The following CCL5 variants were observed in gnomAD, a reference collection of about 807,000 sequenced individuals.
The protein encoded by CCL5 is C-C motif chemokine 5.
A neutral mutation model predicts 9.0 loss-of-function variants in CCL5; 5 were observed. That is an observed-to-expected ratio of 0.55 (90% confidence interval 0.29 to 1.16). The LOEUF is 1.16. Among genes scored for constraint, CCL5 ranks in the 50% most tolerant of loss-of-function variants. The pLI, the probability that CCL5 is intolerant of heterozygous loss-of-function variation, is 0.08. For missense variants in CCL5, 183 were observed against 183.2 expected (o/e 1.00, Z 0.01); for synonymous variants, 66 against 72.0 (o/e 0.92, Z 0.42).
chr17:35,879,156 A>G (rs2088480892), intron 1 of CCL5, among the ~76,000 whole-genome samples: 1 of 152,228 alleles, frequency 6.6e-6, no homozygotes, highest in Admixed American at 6.5e-5. Flanking sequence ...GTTGGGAAGC[A>G]TCAGTTGCCA....
Position 35,880,321 on chromosome 17 carries a change from G to A in CCL5, c.-16C>T, listed in dbSNP as rs372088244. 5 of 1,602,794 alleles carry A rather than the reference G, an allele frequency of 3.1e-6. No individual in the cohort carries two copies. The highest frequency in any genetic ancestry group is 4.3e-6 in the Non-Finnish European group (5 of 1,173,398). On this transcript the variant is annotated 5_prime_UTR_variant, in exon 1 of 4. Transcript: ENST00000651122. ...AGACCTTCATGGTACCTGTGGGAGA[G>A]GCTGTGCGAGGTCCACGTGCTGTCT...
intron 1 of CCL5, among the ~76,000 whole-genome samples, 183 bp from the exon 2 acceptor site, chr17:35,878,822 C>A (rs1391755779): frequency 6.6e-6 from 1 of 152,188 alleles, no homozygotes; most frequent in Non-Finnish European, 1.5e-5. Context: ...GATTCCAATG[C>A]CTCATCTAAT....
At chr17:35,878,417 A>AGGAGCTGT in intron 2 of CCL5, 111 bp downstream of exon 2, 1 of 694,316 alleles carries the variant, frequency 1.4e-6, no homozygotes, top group Non-Finnish European at 2.6e-6. Context: ...CTAGAGATGG[A>AGGAGCTGT]GGAGCTGTGG....
intron 3 of CCL5, among the ~76,000 whole-genome samples, chr17:35,874,835 A>ACTC (rs1230721055): frequency 6.6e-6 from 1 of 151,164 alleles, no homozygotes; most frequent in African/African-American, 2.4e-5. Context: ...CTGTTCTTGA[A>ACTC]CTCCTGACCT....
intron 1 of CCL5, 96 bp downstream of exon 1, chr17:35,880,134 A>C (rs1568354401): frequency 1.4e-5 from 13 of 921,376 alleles, no homozygotes; most frequent in Non-Finnish European, 2.1e-5. Flanking sequence ...GCTACAGTTG[A>C]AAAGAGGGCA....
At position 35,872,353 on chromosome 17, in the gene CCL5, G is replaced by C. The variant is rs1317273339; in HGVS notation, c.382C>G (p.Leu128Val). The C allele has an allele frequency of 6.2e-7, 1 of 1,612,402 alleles. No individual in the cohort carries two copies. The highest frequency in any genetic ancestry group is 1.7e-5 in the Admixed American group (1 of 59,930). The change falls in exon 4 of 4, where the codon CTT (leucine) becomes GTT (valine). Residue 128 changes from leucine to valine, a missense_variant. By Grantham distance (32) the Leu-to-Val change is conservative. Coordinates refer to ENST00000651122, the MANE Select transcript of CCL5 (RefSeq NM_001278736.2). ...AGCAGAAACAGGCAAATTTGTGTAAGTTCAGGTTCAAGGACTCTCCATCCT... is the reference window on the plus strand; with the variant it reads ...AGCAGAAACAGGCAAATTTGTGTAACTTCAGGTTCAAGGACTCTCCATCCT...
intron 1 of CCL5, 87 bp downstream of exon 1, chr17:35,880,143 C>A (rs2088496916): frequency 2.0e-6 from 2 of 991,192 alleles, no homozygotes; most frequent in Non-Finnish European, 3.2e-6. Context: ...GAAAAGAGGG[C>A]AAGGTGTGGG....
intron 3 of CCL5, among the ~76,000 whole-genome samples, chr17:35,872,781 C>T (rs2088388603): frequency 6.6e-6 from 1 of 152,222 alleles, no homozygotes; most frequent in Non-Finnish European, 1.5e-5. Flanking sequence ...AGACTTTTCT[C>T]AGCACTTCCT....
intron 2 of CCL5, among the ~76,000 whole-genome samples, chr17:35,877,497 A>G (rs954360832): frequency 2.0e-5 from 3 of 152,252 alleles, no homozygotes; most frequent in Middle Eastern, 3.2e-3. Flanking sequence ...TGACTTTGCT[A>G]TAGTAGAAAG....
intron 3 of CCL5, among the ~76,000 whole-genome samples, chr17:35,873,913 C>T (rs564956694): frequency 6.6e-6 from 1 of 152,228 alleles, no homozygotes; most frequent in South Asian, 2.1e-4. Context: ...ACCAAGTAAC[C>T]AGCCAGAATG....
rs752867204 is a variant in CCL5 at position 35,878,547 on chromosome 17, A to C, written c.169T>G (p.Cys57Gly). 1.2e-6 allele frequency: 2 copies of C among 1,613,758 alleles called. No individual in the cohort carries two copies. Among genetic ancestry groups the C allele is most frequent in the Non-Finnish European group, 1.7e-6 (2 of 1,179,762 alleles). The change falls in exon 2 of 4, where the codon TGC becomes GGC. Residue 57 changes from cysteine (C) to glycine (G), a missense_variant. By Grantham distance (159) the Cys-to-Gly change is radical (BLOSUM62 -3). Transcript: ENST00000651122. ...ACTCACACGACTGCTGGGTTGGAGC[A>C]CTTGCCACTGGTGTAGAAATACTCC...
At chr17:35,879,869 A>C (rs930924378) in intron 1 of CCL5, among the ~76,000 whole-genome samples, 2 of 152,164 alleles carry the variant, frequency 1.3e-5, no homozygotes, top group African/African-American at 4.8e-5. Context: ...TAAATTTCTT[A>C]GAAACCCTGC....
At chr17:35,878,760 A>C in intron 1 of CCL5, 121 bp from the exon 2 acceptor site, 1 of 636,786 alleles carries the variant, frequency 1.6e-6, no homozygotes, top group Non-Finnish European at 2.8e-6. Context: ...ACAGAAACTG[A>C]GGCTCAGAGA....
chr17:35,878,854 A>G (rs2144034144), intron 1 of CCL5, among the ~76,000 whole-genome samples: 1 of 152,290 alleles, frequency 6.6e-6, no homozygotes, highest in Non-Finnish European at 1.5e-5. Flanking sequence ...GCTTGTATCC[A>G]TCCCTCTACA....
At chr17:35,878,762 G>C in intron 1 of CCL5, 123 bp from the exon 2 acceptor site, 3 of 636,816 alleles carry the variant, frequency 4.7e-6, no homozygotes, top group Non-Finnish European at 8.3e-6. Context: ...AGAAACTGAG[G>C]CTCAGAGAGG....
intron 3 of CCL5, among the ~76,000 whole-genome samples, chr17:35,873,035 G>T (rs1355871631): frequency 6.6e-6 from 1 of 151,700 alleles, no homozygotes; most frequent in Admixed American, 6.6e-5. Flanking sequence ...GACTACTGGC[G>T]CCCGCCACCA....
chr17:35,874,738 G>T (rs1205731548), intron 3 of CCL5, among the ~76,000 whole-genome samples: 2 of 152,124 alleles, frequency 1.3e-5, no homozygotes, highest in South Asian at 4.2e-4. Flanking sequence ...AGCCTCCTGA[G>T]TAGCTGGGAT....
At chr17:35,878,282 CAAAAAAAAAAAAAA>C (rs4013866) in intron 2 of CCL5, among the ~76,000 whole-genome samples, 2 of 31,974 alleles carry the variant, frequency 6.3e-5, no homozygotes, top group African/African-American at 2.1e-4. Context: ...GACTCTGTCT[CAAAAAAAAAAAAAA>C]AAAAAAAAAA....
At position 35,872,083 on chromosome 17, in the gene CCL5, G is replaced by A. The variant is rs1465141768; in HGVS notation, c.*187C>T. 4.0e-5 allele frequency: 8 copies of A among 200,858 alleles called. 1 individual carries two copies. Among genetic ancestry groups the A allele is most frequent in the Non-Finnish European group, 3.0e-5 (3 of 98,516 alleles). The allele number at this position is 200,858 out of a possible 1,614,324, so 12.4% of individuals were successfully genotyped here. A position where few individuals can be genotyped will look rare whatever the true frequency, so the allele number is the denominator to read the frequency against. ...ACTACAGGCGCCCGCTACCACGCCC[G>A]GCTAATTTTTTGTATTTTTAGTAGA... On this transcript the variant is annotated 3_prime_UTR_variant, in exon 4 of 4. Transcript: ENST00000651122.
Sources: gnomAD v4.1 joint callset for allele counts (sites outside exome capture counted in the v4.1 genomes callset) on GRCh38, gnomAD v4.1.1 for gene constraint, MANE v1.5 for transcripts, NCBI Gene and HGNC (gene_info 2026-07-23, HGNC 2026-07-21) for gene names.